The following NTM variants were observed in gnomAD, a reference collection of about 807,000 sequenced individuals.
The protein encoded by NTM is neurotrimin, also known as IgLON family member 2.
A neutral mutation model predicts 42.1 loss-of-function variants in NTM; 13 were observed. That is an observed-to-expected ratio of 0.31 (90% confidence interval 0.20 to 0.49). The LOEUF is 0.49. Among genes scored for constraint, NTM ranks in the 20% least tolerant of loss-of-function variants. The probability of loss-of-function intolerance (pLI) is 0.99; values close to 1 mark genes in which losing one functional copy is unlikely to be tolerated. For synonymous variants in NTM, 187 were observed against 179.2 expected, an observed-to-expected ratio of 1.04 and a Z score of -0.35; for missense variants, 373 against 452.8, an observed-to-expected ratio of 0.82 and a Z score of 1.60.
intron 1 of NTM, among the ~76,000 whole-genome samples, chr11:131,595,513 A>T (rs769711442): frequency 6.6e-5 from 10 of 152,180 alleles, no homozygotes; most frequent in Non-Finnish European, 1.3e-4. Flanking sequence ...TTATTTTGCA[A>T]ATGACATCTC....
chr11:131,660,360 A>AC (rs2067835142), intron 1 of NTM: 1 of 402,292 alleles, frequency 2.5e-6, no homozygotes, highest in Non-Finnish European at 5.0e-6. Context: ...ATTCATTCAC[A>AC]CCCAAACCAG....
intron 1 of NTM, among the ~76,000 whole-genome samples, chr11:131,641,729 ATTT>A (rs139661617): frequency 5.8e-3 from 813 of 140,508 alleles, no homozygotes; most frequent in South Asian, 6.7e-3. Context: ...AATAGTCTAG[ATTT>A]TTTTTTTTTT....
chr11:132,239,738 G>T (rs916512516), intron 4 of NTM, among the ~76,000 whole-genome samples: 2 of 152,182 alleles, frequency 1.3e-5, no homozygotes, highest in African/African-American at 4.8e-5. Context: ...AGTGTGAGGG[G>T]TGTGTGTGCA....
intron 4 of NTM, among the ~76,000 whole-genome samples, chr11:132,262,126 G>A (rs1025844937): frequency 2.6e-5 from 4 of 152,174 alleles, no homozygotes; most frequent in Non-Finnish European, 5.9e-5. Context: ...CCTGTAGCTG[G>A]TGCCTTATTA....
At position 131,736,213 on chromosome 11, in the gene NTM, C is replaced by T. The variant is rs189324290; in HGVS notation, c.83-175351C>T. ...CCTGCCTCAGTGGCCCTGGACTCCC[C>T]GAACCTTCTACAGCTAGTACTAGAA... On this transcript the variant is annotated intron_variant, in intron 1 of 8. Coordinates refer to ENST00000683400, the MANE Select transcript of NTM (RefSeq NM_001352005.2). Among the ~76,000 whole-genome samples, 213 of 152,246 alleles carry T rather than the reference C, an allele frequency of 1.4e-3. 1 individual carries two copies. The highest frequency in any genetic ancestry group is 4.4e-3 in the African/African-American group (184 of 41,540).
intron 1 of NTM, among the ~76,000 whole-genome samples, chr11:131,431,105 T>G (rs970423890): frequency 6.6e-6 from 1 of 152,196 alleles, no homozygotes; most frequent in African/African-American, 2.4e-5. Flanking sequence ...CCTTTTGCTG[T>G]TTATCAGTGG....
chr11:132,289,810 C>T (rs2094392227), intron 4 of NTM, among the ~76,000 whole-genome samples: 1 of 152,182 alleles, frequency 6.6e-6, no homozygotes, highest in Non-Finnish European at 1.5e-5. Context: ...AGGTTTACCT[C>T]AGGGCAGGGT....
chr11:131,740,667 CTCTG>C (rs1281706764), intron 1 of NTM, among the ~76,000 whole-genome samples: 1 of 152,156 alleles, frequency 6.6e-6, no homozygotes, highest in Non-Finnish European at 1.5e-5. Context: ...CTCTCTCTGT[CTCTG>C]TCTGTCTCCT....
rs148661142 is a variant in NTM, at chr11:131,958,414, A to G, written c.167+46766A>G. ...CCAAAACTTCAGATAGTAAATCTTA[A>G]TTCATAACTTAGCACTGACTTCAAG... is the stretch of plus-strand genomic sequence containing the variant. On this transcript the variant is annotated intron_variant, in intron 2 of 8. Coordinates refer to ENST00000683400, the MANE Select transcript of NTM (RefSeq NM_001352005.2). Among the ~76,000 whole-genome samples the G allele has an allele frequency of 1.2e-3, 180 of 152,264 alleles. 1 individual carries two copies. Among genetic ancestry groups the G allele is most frequent in the African/African-American group, 4.1e-3 (170 of 41,556 alleles).
intron 4 of NTM, among the ~76,000 whole-genome samples, chr11:132,276,883 G>C (rs2093746182): frequency 6.6e-6 from 1 of 152,174 alleles, no homozygotes; most frequent in African/African-American, 2.4e-5. Context: ...TTTATGCTGA[G>C]TCCTATGACT....
At chr11:131,708,965 C>T (rs2076853017) in intron 1 of NTM, among the ~76,000 whole-genome samples, 1 of 152,124 alleles carries the variant, frequency 6.6e-6, no homozygotes, top group Non-Finnish European at 1.5e-5. Context: ...TGTAACGGTC[C>T]TCACTTGGAA....
At chr11:132,334,960 G>A in intron 8 of NTM, 86 bp from the exon 9 acceptor site, 3 of 1,557,618 alleles carry the variant, frequency 1.9e-6, no homozygotes, top group Admixed American at 3.5e-5. Flanking sequence ...CCAGGGGCAA[G>A]GCCAAATGAC....
intron 1 of NTM, among the ~76,000 whole-genome samples, chr11:131,504,885 G>A (rs886556944): frequency 2.6e-5 from 4 of 152,026 alleles, no homozygotes; most frequent in African/African-American, 9.7e-5. Flanking sequence ...TCCTCTTTTG[G>A]CAATTGGCGG....
At chr11:131,618,359 A>G (rs2062164242) in intron 1 of NTM, among the ~76,000 whole-genome samples, 1 of 152,256 alleles carries the variant, frequency 6.6e-6, no homozygotes, top group Non-Finnish European at 1.5e-5. Context: ...AGCCTAGCAG[A>G]AAAAGAACCA....
chr11:131,373,197 T>A lies in NTM; in HGVS notation c.82+2309T>A, dbSNP rs146127050. Among the ~76,000 whole-genome samples the A allele has an allele frequency of 3.9e-5, 6 of 152,328 alleles. 1 individual carries two copies. Among genetic ancestry groups the A allele is most frequent in the African/African-American group, 1.4e-4 (6 of 41,572 alleles). On this transcript the variant is annotated intron_variant, in intron 1 of 8. Transcript: ENST00000683400. ...GAAGGAAGCTGAAGTCTGCCAGCTATCTCTTATCAAACTTGCAGAATTACT... is the reference window on the plus strand; with the variant it reads ...GAAGGAAGCTGAAGTCTGCCAGCTAACTCTTATCAAACTTGCAGAATTACT...
At chr11:131,488,731 C>A (rs1954460692) in intron 1 of NTM, among the ~76,000 whole-genome samples, 1 of 152,160 alleles carries the variant, frequency 6.6e-6, no homozygotes. Context: ...CCAGAATTTT[C>A]ATCCCATTAT....
chr11:131,663,175 A>AT (rs1418421177), intron 1 of NTM: 1 of 152,206 alleles, frequency 6.6e-6, no homozygotes. Flanking sequence ...CAGAGCTGTG[A>AT]TTTTGCCTTT....
rs946872771 is a variant in NTM, at chr11:131,445,520, G to A, written c.82+74632G>A. Among the ~76,000 whole-genome samples the A allele has an allele frequency of 9.9e-5, 15 of 152,206 alleles. 1 individual carries two copies. Among genetic ancestry groups the A allele is most frequent in the Admixed American group, 6.5e-5 (1 of 15,276 alleles). The stretch of plus-strand genomic sequence containing the variant: ...TTTAGCATACCAGAGATAGGGCTGT[G>A]ACCTTGTGGGGTGTGACAGATGAGC... On this transcript the variant is annotated intron_variant, in intron 1 of 8. Transcript: ENST00000683400.
At chr11:131,751,453 G>T (rs930488024) in intron 1 of NTM, among the ~76,000 whole-genome samples, 1 of 152,012 alleles carries the variant, frequency 6.6e-6, no homozygotes, top group African/African-American at 2.4e-5. Context: ...AGCCGGGCGC[G>T]GTGGCGGGCA....
Sources: gnomAD v4.1 joint callset for allele counts (sites outside exome capture counted in the v4.1 genomes callset) on GRCh38, gnomAD v4.1.1 for gene constraint, MANE v1.5 for transcripts, NCBI Gene and HGNC (gene_info 2026-07-23, HGNC 2026-07-21) for gene names.